The following ATP1B1 variants were observed in gnomAD, a reference collection of about 807,000 sequenced individuals.
The protein encoded by ATP1B1 is ATPase Na+/K+ transporting subunit beta 1, also known as sodium/potassium-transporting ATPase subunit beta-1.
A neutral mutation model predicts 39.6 loss-of-function variants in ATP1B1; 3 were observed. The observed-to-expected ratio is 0.08, with a 90% CI of 0.03 to 0.20. The LOEUF is 0.20. Among genes scored for constraint, ATP1B1 ranks in the 10% least tolerant of loss-of-function variants. The pLI, the probability that ATP1B1 is intolerant of heterozygous loss-of-function variation, is 1.00. For synonymous variants in ATP1B1, 139 were observed against 135.0 expected (o/e 1.03, Z -0.20); for missense variants, 216 against 371.1 (o/e 0.58, Z 3.43).
intron 2 of ATP1B1, among the ~76,000 whole-genome samples, chr1:169,115,436 C>T (rs1195624454): frequency 6.6e-6 from 1 of 150,656 alleles, no homozygotes; most frequent in Non-Finnish European, 1.5e-5. Context: ...GCAACCTCTG[C>T]CCCCTGGGTT....
Position 169,132,019 on chromosome 1 carries a change from A to ATTTTTTTTTTTTTT in ATP1B1, c.*473_*486dup, listed in dbSNP as rs34447553. ...CAACGGGAATAAAACTGGCATGGTA[A>ATTTTTTTTTTTTTT]TTTTTTTTTTTTTTTTTTTTTTGTT... On this transcript the variant is annotated 3_prime_UTR_variant, in exon 6 of 6. Coordinates refer to ENST00000367815, the MANE Select transcript of ATP1B1 (RefSeq NM_001677.4). The ATTTTTTTTTTTTTT allele has an allele frequency of 1.5e-4, 29 of 190,930 alleles. 2 individuals carry two copies. The highest frequency in any genetic ancestry group is 7.3e-4 in the South Asian group (14 of 19,118). The allele number at this position is 190,930 out of a possible 1,614,324, so 11.8% of individuals were successfully genotyped here.
chr1:169,113,151 C>T (rs1048542844), intron 2 of ATP1B1, among the ~76,000 whole-genome samples: 32 of 151,902 alleles, frequency 2.1e-4, no homozygotes, highest in Non-Finnish European at 3.8e-4. Flanking sequence ...CTGCAGTCTC[C>T]GCCTCTCAGG....
At chr1:169,120,454 G>A (rs1312945611) in intron 2 of ATP1B1, among the ~76,000 whole-genome samples, 1 of 152,156 alleles carries the variant, frequency 6.6e-6, no homozygotes, top group Non-Finnish European at 1.5e-5. Flanking sequence ...GAGCTTTCTG[G>A]GGTTTATCTG....
intron 1 of ATP1B1, among the ~76,000 whole-genome samples, chr1:169,108,697 TGA>T (rs1291803809): frequency 6.6e-6 from 1 of 152,150 alleles, no homozygotes; most frequent in Non-Finnish European, 1.5e-5. Context: ...AGCACCTCCA[TGA>T]GAGAGAGAAA....
chr1:169,109,569 G>C lies in ATP1B1; in HGVS notation c.98-1801G>C, dbSNP rs532318663. On this transcript the variant is annotated intron_variant, in intron 1 of 5. Coordinates refer to ENST00000367815, the MANE Select transcript of ATP1B1 (RefSeq NM_001677.4). ...GATATCGTGTGGGCAGAATAGAAAG[G>C]CTGTCTGTTTCTGAGCTTAATCGGC... Among the ~76,000 whole-genome samples, 11 of 152,294 alleles carry C rather than the reference G, an allele frequency of 7.2e-5. No homozygotes were observed. The South Asian group carries it at 1.2e-3, about 17-fold the overall frequency.
chr1:169,127,363 G>C lies in ATP1B1; in HGVS notation c.522G>C (p.Pro174=), dbSNP rs144685960. Residue 174 remains proline (P), a synonymous_variant, in exon 4 of 6, where the codon CCG becomes CCC. Transcript: ENST00000367815. ...DETYGYKEGK[P]CIIIKLNRVL... is the part of the protein sequence containing the mutation. ...CTTATGGCTACAAAGAGGGCAAACC[G>C]TGCATTATTATAAAGCTCAACCGAG... 1 of 1,611,842 alleles carries C rather than the reference G, an allele frequency of 6.2e-7. No homozygotes were observed. The highest frequency in any genetic ancestry group is 1.1e-5 in the South Asian group (1 of 90,244).
Position 169,131,691 on chromosome 1 carries a change from G to T in ATP1B1, c.*136G>T. 1.1e-6 allele frequency: 1 copy of T among 949,346 alleles called. No individual in the cohort carries two copies. The highest frequency in any genetic ancestry group is 1.9e-5 in the South Asian group (1 of 51,992). 58.8% of individuals were successfully genotyped at this position (949,346 alleles called of 1,614,324 possible). On this transcript the variant is annotated 3_prime_UTR_variant, in exon 6 of 6. Coordinates refer to ENST00000367815, the MANE Select transcript of ATP1B1 (RefSeq NM_001677.4). This position sits in a 1 kb window ranked among gnomAD's most constrained non-coding sequence, Gnocchi z 4.4. The stretch of plus-strand genomic sequence containing the variant: ...TCTATATGCTTTACACTAGCTTTCT[G>T]CATTTAATAGGTTAGAATGTAAATT...
chr1:169,122,715 C>T (rs1028353823), intron 2 of ATP1B1, among the ~76,000 whole-genome samples: 3 of 130,894 alleles, frequency 2.3e-5, no homozygotes, highest in African/African-American at 8.4e-5. Context: ...CCCCATAATT[C>T]TTCAGGTTCT....
intron 2 of ATP1B1, among the ~76,000 whole-genome samples, chr1:169,123,950 TGTAA>T (rs1317416703): frequency 1.3e-5 from 2 of 152,232 alleles, no homozygotes. Context: ...AATTTTTAAA[TGTAA>T]GTGTGTCCCA....
chr1:169,122,770 T>TTTTA (rs71121722), intron 2 of ATP1B1, among the ~76,000 whole-genome samples: 14 of 101,340 alleles, frequency 1.4e-4, no homozygotes, highest in East Asian at 1.2e-3. Flanking sequence ...TTTTTTTTTT[T>TTTTA]AATTGCGATA....
Position 169,111,611 on chromosome 1 carries a change from A to T in ATP1B1, c.226+113A>T, listed in dbSNP as rs148443738. The T allele has an allele frequency of 4.4e-4, 622 of 1,399,232 alleles. 4 individuals are homozygous for T. The East Asian group carries it at 0.011, about 25-fold the overall frequency. The allele number at this position is 1,399,232 out of a possible 1,614,324, so 86.7% of individuals were successfully genotyped here. A position where few individuals can be genotyped will look rare whatever the true frequency, so the allele number is the denominator to read the frequency against. On this transcript the variant is annotated intron_variant, in intron 2 of 5. Transcript: ENST00000367815. ...TCTATAATGTAGTCTTAAAGCAACCATGAAAAGGGAAAAGAGAAACTTCTC... is the reference window on the plus strand; with the variant it reads ...TCTATAATGTAGTCTTAAAGCAACCTTGAAAAGGGAAAAGAGAAACTTCTC...
In ATP1B1 at chr1:169,106,967, C is replaced by T. The variant is rs752511552; in HGVS notation, c.97+41C>T. ...GCAGCTCCCGGCCGCCGCGTCTGAT[C>T]TTTCCCGGGCGGCGCATCCCCTGCG... On this transcript the variant is annotated intron_variant, in intron 1 of 5. Transcript: ENST00000367815. 3 of 1,533,812 alleles carry T rather than the reference C, an allele frequency of 2.0e-6. No homozygotes were observed. The South Asian group carries it at 3.6e-5, about 18-fold the overall frequency.
At chr1:169,113,808 C>G (rs1284035527) in intron 2 of ATP1B1, among the ~76,000 whole-genome samples, 1 of 152,166 alleles carries the variant, frequency 6.6e-6, no homozygotes, top group East Asian at 1.9e-4. Context: ...GCATTCCTGT[C>G]CTGTGGTCTG....
chr1:169,116,959 A>G (rs1331449342), intron 2 of ATP1B1, among the ~76,000 whole-genome samples: 4 of 152,148 alleles, frequency 2.6e-5, no homozygotes, highest in Non-Finnish European at 5.9e-5. Flanking sequence ...TCATTATGTC[A>G]GTCTCAGAAT....
At position 169,131,199 on chromosome 1, in the gene ATP1B1, T is replaced by C; in HGVS notation, c.649-93T>C. 6.8e-7 allele frequency: 1 copy of C among 1,475,870 alleles called. No homozygotes were observed. Among genetic ancestry groups the C allele is most frequent in the Non-Finnish European group, 9.2e-7 (1 of 1,085,738 alleles). The allele number at this position is 1,475,870 out of a possible 1,614,324, so 91.4% of individuals were successfully genotyped here. ...GATGTTCTTTCCTCTCTCAGTAGTTTGCAAACTACTGTGTAGATTGAGTCT... is the reference window on the plus strand; with the variant it reads ...GATGTTCTTTCCTCTCTCAGTAGTTCGCAAACTACTGTGTAGATTGAGTCT... On this transcript the variant is annotated intron_variant, in intron 5 of 5. Transcript: ENST00000367815. This position sits in a 1 kb window ranked among gnomAD's most constrained non-coding sequence, Gnocchi z 4.4.
intron 1 of ATP1B1, among the ~76,000 whole-genome samples, chr1:169,109,787 G>A (rs116074392): frequency 2.1e-3 from 323 of 152,102 alleles, no homozygotes; most frequent in Middle Eastern, 6.8e-3. Context: ...GTGGGGGGCA[G>A]CAAGAGGAAA....
chr1:169,129,237 A>G (rs1481965642), intron 4 of ATP1B1, among the ~76,000 whole-genome samples: 1 of 152,238 alleles, frequency 6.6e-6, no homozygotes, highest in Non-Finnish European at 1.5e-5. Context: ...TACATCTCAC[A>G]TCAAGACTCA....
chr1:169,131,129 C>G lies in ATP1B1; in HGVS notation c.649-163C>G, dbSNP rs567981731. Among the ~76,000 whole-genome samples, 1 of 152,286 alleles carries G rather than the reference C, an allele frequency of 6.6e-6. No homozygotes were observed. The highest frequency in any genetic ancestry group is 1.9e-4 in the East Asian group (1 of 5,188). ...TCCATTTGCACATTGAGAATAGTCT[C>G]TTCTTATGACCATTTCTCAAGGCTG... On this transcript the variant is annotated intron_variant, in intron 5 of 5. Coordinates refer to ENST00000367815, the MANE Select transcript of ATP1B1 (RefSeq NM_001677.4). The surrounding 1 kb of genome is among the most constrained non-coding windows in gnomAD (Gnocchi z 4.4).
intron 2 of ATP1B1, among the ~76,000 whole-genome samples, chr1:169,112,426 G>A (rs1030903329): frequency 3.3e-5 from 5 of 152,318 alleles, no homozygotes; most frequent in South Asian, 2.1e-4. Context: ...CATAACTTCC[G>A]GGCTCTCACT....
Sources: gnomAD v4.1 joint callset for allele counts (sites outside exome capture counted in the v4.1 genomes callset) on GRCh38, gnomAD v4.1.1 for gene constraint, Gnocchi (gnomAD v3.1) non-coding constraint, MANE v1.5 for transcripts, NCBI Gene and HGNC (gene_info 2026-07-23, HGNC 2026-07-21) for gene names.